TMEM117: variants seen among roughly 807,000 people sequenced by gnomAD.
TMEM117 encodes transmembrane protein 117.
In TMEM117, 27 loss-of-function variants were observed where a neutral mutation model predicts 52.4. The ratio of observed to expected loss-of-function variants is 0.51; its 90% CI spans 0.38 to 0.71. TMEM117 has a LOEUF of 0.71. Among genes scored for constraint, TMEM117 ranks in the 30% least tolerant of loss-of-function variants. The pLI, the probability that TMEM117 is intolerant of heterozygous loss-of-function variation, is 0.00. For missense variants in TMEM117, 556 were observed against 630.5 expected, an observed-to-expected ratio of 0.88 and a Z score of 1.26; for synonymous variants, 215 against 206.3, an observed-to-expected ratio of 1.04 and a Z score of -0.36.
chr12:44,114,841 A>C (rs982954390), intron 3 of TMEM117, among the ~76,000 whole-genome samples: 2 of 152,224 alleles, frequency 1.3e-5, no homozygotes, highest in Non-Finnish European at 2.9e-5. Context: ...AAATGCTACT[A>C]CTTCCACATT....
intron 4 of TMEM117, among the ~76,000 whole-genome samples, chr12:44,165,591 A>G (rs1343787745): frequency 6.6e-6 from 1 of 152,216 alleles, no homozygotes; most frequent in African/African-American, 2.4e-5. Flanking sequence ...CTTAGATAAA[A>G]CAGACTTTAA....
intron 7 of TMEM117, among the ~76,000 whole-genome samples, chr12:44,380,460 C>T (rs1216907681): frequency 1.3e-5 from 2 of 152,084 alleles, no homozygotes; most frequent in Non-Finnish European, 2.9e-5. Flanking sequence ...TCCACTTGGC[C>T]CCAATCTACC....
chr12:44,293,921 T>C (rs1274210056), intron 5 of TMEM117, among the ~76,000 whole-genome samples: 1 of 152,156 alleles, frequency 6.6e-6, no homozygotes, highest in Non-Finnish European at 1.5e-5. Context: ...TTTATTTTGT[T>C]AATTAGCATC....
At chr12:44,188,257 A>G (rs1592592046) in intron 4 of TMEM117, among the ~76,000 whole-genome samples, 3 of 152,242 alleles carry the variant, frequency 2.0e-5, no homozygotes, top group South Asian at 2.1e-4. Flanking sequence ...TGAACATCCA[A>G]TAAGTGATTT....
intron 3 of TMEM117, among the ~76,000 whole-genome samples, chr12:44,089,010 C>T (rs947785336): frequency 2.6e-5 from 4 of 152,182 alleles, no homozygotes; most frequent in African/African-American, 9.7e-5. Flanking sequence ...AGCACCTGTA[C>T]ACCCTGTACA....
chr12:44,155,725 T>C (rs960259376), intron 4 of TMEM117, among the ~76,000 whole-genome samples: 3 of 152,072 alleles, frequency 2.0e-5, no homozygotes, highest in African/African-American at 7.2e-5. Flanking sequence ...TAAAGAAGCA[T>C]TAAAATTCAG....
At chr12:43,805,731 G>A in the TMEM117 span, 1 of 1,193,902 alleles carries the variant, frequency 8.4e-7, no homozygotes, top group Non-Finnish European at 1.1e-6. Context: ...GGAGAGTTTT[G>A]GGAAGCACCC....
the TMEM117 span, among the ~76,000 whole-genome samples, chr12:43,824,507 C>T: frequency 6.6e-6 from 1 of 152,152 alleles, no homozygotes; most frequent in Non-Finnish European, 1.5e-5. Context: ...GAGGATAAAA[C>T]CAGCAGATAA....
chr12:44,016,415 G>A (rs1946374780), intron 3 of TMEM117, among the ~76,000 whole-genome samples: 1 of 152,192 alleles, frequency 6.6e-6, no homozygotes, highest in African/African-American at 2.4e-5. Context: ...GGCCACAGCA[G>A]AGTCTCCCTT....
At chr12:44,186,615 C>T (rs550948522) in intron 4 of TMEM117, among the ~76,000 whole-genome samples, 10 of 152,124 alleles carry the variant, frequency 6.6e-5, no homozygotes, top group Non-Finnish European at 1.5e-4. Flanking sequence ...TTTAAAAAAT[C>T]TAGCAATAGT....
the TMEM117 span, among the ~76,000 whole-genome samples, chr12:44,398,298 T>C: frequency 6.6e-6 from 1 of 151,952 alleles, no homozygotes; most frequent in Admixed American, 6.5e-5. Flanking sequence ...GGATCCAATA[T>C]GGAGGGAAGT....
At chr12:43,951,300 A>G (rs1399012312) in intron 3 of TMEM117, among the ~76,000 whole-genome samples, 2 of 152,022 alleles carry the variant, frequency 1.3e-5, no homozygotes, top group Non-Finnish European at 2.9e-5. Context: ...GCAAGCGTCC[A>G]CTCCTTTGGA....
intron 2 of TMEM117, among the ~76,000 whole-genome samples, chr12:43,885,263 G>T (rs1943970987): frequency 6.6e-6 from 1 of 152,158 alleles, no homozygotes; most frequent in Non-Finnish European, 1.5e-5. Flanking sequence ...GCTGTGTAAG[G>T]ACACTGTTTT....
At chr12:44,142,499 C>A (rs939344117) in intron 3 of TMEM117, among the ~76,000 whole-genome samples, 4 of 152,054 alleles carry the variant, frequency 2.6e-5, no homozygotes, top group African/African-American at 9.7e-5. Context: ...AGATAGTTTA[C>A]CTCTCAGTGA....
At chr12:43,938,738 G>A (rs532590405) in intron 2 of TMEM117, among the ~76,000 whole-genome samples, 1 of 152,224 alleles carries the variant, frequency 6.6e-6, no homozygotes, top group East Asian at 1.9e-4. Context: ...GGTGGCTCAT[G>A]CCTGTAATCC....
intron 6 of TMEM117, among the ~76,000 whole-genome samples, chr12:44,332,192 A>G (rs532251001): frequency 1.3e-5 from 2 of 152,208 alleles, no homozygotes; most frequent in Admixed American, 6.6e-5. Flanking sequence ...CCAGTTTCCC[A>G]TATCTATAAA....
Position 43,849,179 on chromosome 12 carries a change from AG to A in TMEM117, c.277+4254del, listed in dbSNP as rs754664879. ...GTAATTATATGGATAGAAGAGGATAAGGGTGGATAGCGAATGGGAGTGGGTC... is the reference window on the plus strand; with the variant it reads ...GTAATTATATGGATAGAAGAGGATAAGGTGGATAGCGAATGGGAGTGGGTC... On this transcript the variant is annotated intron_variant, in intron 2 of 7. Transcript: ENST00000266534. 7.2e-5 allele frequency among the ~76,000 whole-genome samples: 11 copies of A among 152,336 alleles called. No homozygotes were observed. In the East Asian group the frequency reaches 1.9e-3, roughly 27 times the overall value.
At chr12:44,270,671 G>A (rs1163992484) in intron 5 of TMEM117, among the ~76,000 whole-genome samples, 2 of 152,132 alleles carry the variant, frequency 1.3e-5, no homozygotes, top group Non-Finnish European at 2.9e-5. Context: ...AGTGGTGAGA[G>A]TGGGCATCCT....
At chr12:44,104,685 A>G (rs775523854) in intron 3 of TMEM117, among the ~76,000 whole-genome samples, 2 of 151,842 alleles carry the variant, frequency 1.3e-5, no homozygotes, top group African/African-American at 2.4e-5. Flanking sequence ...AATTCCCTCC[A>G]TTTTTGTTCA....
Sources: allele counts gnomAD v4.1 joint callset (sites outside exome capture counted in the v4.1 genomes callset), GRCh38; gene constraint gnomAD v4.1.1; transcripts MANE v1.5; gene names NCBI Gene and HGNC (gene_info 2026-07-23, HGNC 2026-07-21).